PTPRD: variants seen among roughly 807,000 people sequenced by gnomAD.
PTPRD encodes protein tyrosine phosphatase receptor type D.
A neutral mutation model predicts 214.5 loss-of-function variants in PTPRD; 34 were observed. The ratio of observed to expected loss-of-function variants is 0.16; its 90% CI spans 0.12 to 0.21. The LOEUF (loss-of-function observed/expected upper bound fraction) is 0.21. PTPRD is among the 10% of genes least tolerant of loss of function. The probability of loss-of-function intolerance (pLI) is 1.00; values close to 1 mark genes in which losing one functional copy is unlikely to be tolerated. For missense variants in PTPRD, 2,545 were observed against 2,398.7 expected (o/e 1.06, Z -1.27); for synonymous variants, 1,128 against 845.7 (o/e 1.33, Z -5.79).
chr9:8,518,133 C>A lies in PTPRD; in HGVS notation c.1258G>T (p.Ala420Ser), dbSNP rs1412991544. ...ATTCGTGCCTGGACATCCCTCGGGG[C>A]ACTGGATGGTGCTTGCTCTGAGGTT... ...TQTSEQAPSS[A>S]PRDVQARMLS... Residue 420 changes from alanine (A) to serine (S), a missense_variant, in exon 21 of 46, where the codon GCC becomes TCC. By Grantham distance (99) the Ala-to-Ser change is moderately conservative. Coordinates refer to ENST00000381196, the MANE Select transcript of PTPRD (RefSeq NM_002839.4). The A allele has an allele frequency of 6.2e-7, 1 of 1,614,168 alleles. No homozygotes were observed. The highest frequency in any genetic ancestry group is 1.7e-5 in the Admixed American group (1 of 60,018).
At chr9:9,195,990 A>T (rs765407326) in intron 9 of PTPRD, among the ~76,000 whole-genome samples, 19 of 152,200 alleles carry the variant, frequency 1.2e-4, no homozygotes, top group South Asian at 2.1e-4. Flanking sequence ...TTGAAGAATT[A>T]AAAGATAAAA....
At chr9:9,024,432 CT>C (rs1039700892) in intron 10 of PTPRD, among the ~76,000 whole-genome samples, 9 of 145,972 alleles carry the variant, frequency 6.2e-5, no homozygotes, top group African/African-American at 2.1e-4. Context: ...TGATTAATTC[CT>C]TAGGATGAAT....
chr9:9,842,046 T>C (rs1341736436), intron 5 of PTPRD, among the ~76,000 whole-genome samples: 1 of 152,038 alleles, frequency 6.6e-6, no homozygotes, highest in East Asian at 1.9e-4. Flanking sequence ...AAAAATTGCT[T>C]ATTTTTTCTG....
At chr9:8,618,252 T>C (rs948186572) in intron 14 of PTPRD, among the ~76,000 whole-genome samples, 3 of 152,116 alleles carry the variant, frequency 2.0e-5, no homozygotes, top group Admixed American at 6.6e-5. Flanking sequence ...TATTTTCCTA[T>C]ATTTGTAAGA....
intron 11 of PTPRD, among the ~76,000 whole-genome samples, chr9:8,800,256 C>T (rs757673352): frequency 3.3e-5 from 5 of 151,878 alleles, no homozygotes; most frequent in Non-Finnish European, 5.9e-5. Flanking sequence ...TTAAAAAACA[C>T]GTGATTCTAT....
At chr9:8,931,740 T>C (rs2098954082) in intron 11 of PTPRD, among the ~76,000 whole-genome samples, 1 of 152,186 alleles carries the variant, frequency 6.6e-6, no homozygotes, top group Admixed American at 6.5e-5. Flanking sequence ...GAAGGAATGT[T>C]ACCAGCTCCT....
intron 7 of PTPRD, among the ~76,000 whole-genome samples, chr9:9,714,552 G>C (rs2097786290): frequency 6.6e-6 from 1 of 152,186 alleles, no homozygotes; most frequent in South Asian, 2.1e-4. Flanking sequence ...CAGACTATTA[G>C]CTAGGTTTTG....
intron 7 of PTPRD, among the ~76,000 whole-genome samples, chr9:9,731,392 C>G (rs947817124): frequency 6.6e-5 from 10 of 152,072 alleles, no homozygotes; most frequent in Non-Finnish European, 8.8e-5. Flanking sequence ...AACCATCCTT[C>G]ACATTCACAG....
intron 3 of PTPRD, among the ~76,000 whole-genome samples, chr9:10,291,996 T>C (rs1348788006): frequency 1.3e-5 from 2 of 152,088 alleles, no homozygotes; most frequent in African/African-American, 2.4e-5. Flanking sequence ...CTGGACCTTC[T>C]AAATTTCCAT....
At chr9:10,532,736 A>G (rs1371443326) in intron 2 of PTPRD, among the ~76,000 whole-genome samples, 1 of 151,620 alleles carries the variant, frequency 6.6e-6, no homozygotes, top group Non-Finnish European at 1.5e-5. Context: ...AGAATTACCT[A>G]ATAAATAAAA....
At chr9:9,193,353 G>A (rs2099936395) in intron 9 of PTPRD, among the ~76,000 whole-genome samples, 1 of 152,038 alleles carries the variant, frequency 6.6e-6, no homozygotes, top group Non-Finnish European at 1.5e-5. Context: ...CTATTTTAAG[G>A]GGGCAAATAC....
chr9:10,158,879 A>C (rs2154286737), intron 3 of PTPRD, among the ~76,000 whole-genome samples: 1 of 152,266 alleles, frequency 6.6e-6, no homozygotes, highest in Non-Finnish European at 1.5e-5. Flanking sequence ...AATATCCCTA[A>C]GGATATCCAG....
chr9:9,173,368 G>T (rs564262260), intron 10 of PTPRD, among the ~76,000 whole-genome samples: 7 of 152,180 alleles, frequency 4.6e-5, no homozygotes, highest in South Asian at 2.1e-4. Context: ...GTGTCTATTC[G>T]GATGGGTTGG....
At chr9:9,975,791 T>C (rs938820647) in intron 4 of PTPRD, among the ~76,000 whole-genome samples, 5 of 152,208 alleles carry the variant, frequency 3.3e-5, no homozygotes, top group African/African-American at 9.6e-5. Context: ...TTAGTTCTGT[T>C]ACCTTGATTG....
chr9:10,356,018 T>C (rs570317274), intron 2 of PTPRD, among the ~76,000 whole-genome samples: 2 of 152,202 alleles, frequency 1.3e-5, no homozygotes, highest in South Asian at 4.2e-4. Context: ...ATTAAGCGAA[T>C]ATATTAACAT....
chr9:9,243,774 T>G (rs1385938928), intron 9 of PTPRD, among the ~76,000 whole-genome samples: 1 of 152,182 alleles, frequency 6.6e-6, no homozygotes, highest in Non-Finnish European at 1.5e-5. Flanking sequence ...AACATAGTGT[T>G]GGAAGTTCTG....
At chr9:8,720,043 T>C (rs531445770) in intron 12 of PTPRD, among the ~76,000 whole-genome samples, 2 of 152,308 alleles carry the variant, frequency 1.3e-5, no homozygotes, top group South Asian at 4.1e-4. Flanking sequence ...CAAAAATGGC[T>C]TAAGGCAAAG....
intron 5 of PTPRD, among the ~76,000 whole-genome samples, chr9:9,823,297 G>T (rs796356545): frequency 2.0e-5 from 3 of 152,022 alleles, no homozygotes; most frequent in African/African-American, 7.2e-5. Flanking sequence ...GGGGGAGCAG[G>T]CACATCACAT....
chr9:8,752,775 T>A (rs2093650043), intron 11 of PTPRD, among the ~76,000 whole-genome samples: 1 of 151,928 alleles, frequency 6.6e-6, no homozygotes, highest in Admixed American at 6.6e-5. Flanking sequence ...CAAGAGTAAG[T>A]CCAATCATGA....
Sources: gnomAD v4.1 joint callset for allele counts (sites outside exome capture counted in the v4.1 genomes callset) on GRCh38, gnomAD v4.1.1 for gene constraint, MANE v1.5 for transcripts, NCBI Gene and HGNC (gene_info 2026-07-23, HGNC 2026-07-21) for gene names.